The following CCT4 variants were observed in gnomAD, a reference collection of about 807,000 sequenced individuals.
CCT4 encodes T-complex protein 1 subunit delta.
CCT4 carries 17 observed loss-of-function variants against 62.5 expected under a neutral mutation model. That is an observed-to-expected ratio of 0.27 (90% CI 0.19 to 0.41). The LOEUF (loss-of-function observed/expected upper bound fraction) is 0.41, where lower values mean the gene tolerates loss of function less well. Ranked by LOEUF, CCT4 falls within the 10% of genes least tolerant of loss-of-function variation. The pLI is 1.00. For synonymous variants in CCT4, 250 were observed against 229.9 expected (o/e 1.09, Z -0.79); for missense variants, 592 against 659.2 (o/e 0.90, Z 1.12).
chr2:61,878,384 T>C (rs1442665480), intron 5 of CCT4, among the ~76,000 whole-genome samples: 3 of 152,208 alleles, frequency 2.0e-5, no homozygotes, highest in Admixed American at 1.3e-4. Flanking sequence ...ATCTCAGCTG[T>C]TTCTGTTAGC....
chr2:61,876,354 T>C, intron 7 of CCT4, 120 bp from the exon 8 acceptor site: 2 of 664,674 alleles, frequency 3.0e-6, no homozygotes, highest in Non-Finnish European at 4.9e-6. Context: ...AAGTAATAAA[T>C]TATATAGACA....
At chr2:61,880,451 C>T (rs1190051331) in intron 3 of CCT4, 57 bp from the exon 4 acceptor site, 1 of 888,312 alleles carries the variant, frequency 1.1e-6, no homozygotes, top group African/African-American at 1.7e-5. Context: ...CCCAGTAACA[C>T]CTAATTCAAA....
intron 4 of CCT4, among the ~76,000 whole-genome samples, chr2:61,879,749 T>C (rs1669073956): frequency 9.5e-6 from 1 of 105,280 alleles, no homozygotes; most frequent in South Asian, 2.9e-4. Context: ...ACTCATTTCT[T>C]TTTTTTTTTT....
At chr2:61,880,713 C>CT (rs34573664) in intron 3 of CCT4, among the ~76,000 whole-genome samples, 11 of 149,324 alleles carry the variant, frequency 7.4e-5, no homozygotes, top group South Asian at 2.1e-4. Flanking sequence ...GAGTATCAAA[C>CT]TTTTTTTTTT....
rs749103756 is a variant in CCT4, at chr2:61,879,044, T to C, written c.380-33A>G. On this transcript the variant is annotated intron_variant, in intron 4 of 13. Coordinates refer to ENST00000394440, the MANE Select transcript of CCT4 (RefSeq NM_006430.4). ...TTGTGAAAGTCTAGTTATTTAATTG[T>C]AACAGGTAAACTACACATTTGACAT... 1.1e-5 allele frequency: 17 copies of C among 1,532,888 alleles called. No individual in the cohort carries two copies. The South Asian group carries it at 2.1e-4, about 19-fold the overall frequency. 95.0% of individuals were successfully genotyped at this position (1,532,888 alleles called of 1,614,324 possible).
At chr2:61,873,587 G>A (rs889559263) in intron 8 of CCT4, among the ~76,000 whole-genome samples, 2 of 151,914 alleles carry the variant, frequency 1.3e-5, no homozygotes, top group African/African-American at 4.8e-5. Context: ...TTTTTGAGAT[G>A]GAATTTCGCT....
chr2:61,869,668 G>A, intron 12 of CCT4, 115 bp from the exon 13 acceptor site: 1 of 663,200 alleles, frequency 1.5e-6, no homozygotes, highest in East Asian at 2.6e-5. Flanking sequence ...TGTCTAAGAA[G>A]ATTAGAATAT....
chr2:61,870,678 G>A (rs930599804), intron 12 of CCT4, among the ~76,000 whole-genome samples: 1 of 152,172 alleles, frequency 6.6e-6, no homozygotes, highest in Non-Finnish European at 1.5e-5. Context: ...TAGCACTTTG[G>A]AAGGCTGAGG....
chr2:61,883,773 GACACACACACACACACAC>G (rs59031193), intron 2 of CCT4, among the ~76,000 whole-genome samples: 2,194 of 143,932 alleles, frequency 0.015, 48 homozygotes, highest in African/African-American at 0.052. Context: ...AAGAAATGTA[GACACACACACACACACAC>G]ACACACACAC....
Position 61,877,522 on chromosome 2 carries a change from T to G in CCT4, c.523-8A>C. 1 of 1,517,690 alleles carries G rather than the reference T, an allele frequency of 6.6e-7. No individual in the cohort carries two copies. Among genetic ancestry groups the G allele is most frequent in the Non-Finnish European group, 8.7e-7 (1 of 1,145,192 alleles). The allele number at this position is 1,517,690 out of a possible 1,614,324, so 94.0% of individuals were successfully genotyped here. A position where few individuals can be genotyped will look rare whatever the true frequency, so the allele number is the denominator to read the frequency against. On this transcript the variant is annotated splice_polypyrimidine_tract_variant and splice_region_variant and intron_variant, in intron 5 of 13. Transcript: ENST00000394440. ...TGAATACTGAGAAACCACCTAGAAT[T>G]ATTAAAAAAAAAAAAAAGTTACCTT...
intron 13 of CCT4, 91 bp from the exon 14 acceptor site, chr2:61,868,797 G>C: frequency 1.1e-6 from 1 of 935,686 alleles, no homozygotes. Context: ...AGGAAAACCT[G>C]TATTAAGAAC....
intron 6 of CCT4, 116 bp downstream of exon 6, chr2:61,877,277 A>G (rs1346364370): frequency 1.7e-6 from 2 of 1,163,728 alleles, no homozygotes; most frequent in Non-Finnish European, 2.4e-6. Context: ...TCACGAAAAC[A>G]AAACCAAAAA....
At chr2:61,883,035 T>C (rs1669152241) in intron 3 of CCT4, among the ~76,000 whole-genome samples, 1 of 152,186 alleles carries the variant, frequency 6.6e-6, no homozygotes, top group South Asian at 2.1e-4. Context: ...ATCCTAAAAA[T>C]ATGCCTGTTC....
intron 8 of CCT4, 139 bp from the exon 9 acceptor site, chr2:61,873,432 G>A (rs1003302895): frequency 1.4e-5 from 8 of 578,774 alleles, no homozygotes; most frequent in Admixed American, 3.1e-5. Flanking sequence ...TACTAAGTTC[G>A]TAAGGTCAAA....
At chr2:61,879,276 T>C (rs868711106) in intron 4 of CCT4, among the ~76,000 whole-genome samples, 18 of 147,150 alleles carry the variant, frequency 1.2e-4, no homozygotes, top group African/African-American at 4.3e-4. Context: ...TTTTTTTTTT[T>C]TCTGAGACAG....
intron 8 of CCT4, among the ~76,000 whole-genome samples, chr2:61,875,155 A>G (rs893986666): frequency 8.6e-5 from 13 of 151,842 alleles, no homozygotes; most frequent in African/African-American, 3.2e-4. Context: ...AAAAAAAGGA[A>G]GATTACGCAC....
intron 1 of CCT4, among the ~76,000 whole-genome samples, chr2:61,886,528 C>T (rs1032610558): frequency 2.0e-5 from 3 of 152,140 alleles, no homozygotes; most frequent in South Asian, 2.1e-4. Flanking sequence ...CGGTGGCTCA[C>T]GCCTGTAATC....
rs1669322864 is a variant in CCT4 at position 61,888,639 on chromosome 2, G to C, written c.-132C>G. 9.3e-7 allele frequency: 1 copy of C among 1,073,900 alleles called. No homozygotes were observed. Among genetic ancestry groups the C allele is most frequent in the South Asian group, 1.7e-5 (1 of 59,862 alleles). 66.5% of individuals were successfully genotyped at this position (1,073,900 alleles called of 1,614,324 possible). On this transcript the variant is annotated 5_prime_UTR_variant, in exon 1 of 14. Coordinates refer to ENST00000394440, the MANE Select transcript of CCT4 (RefSeq NM_006430.4). ...CAGAAAGCGGCGCCGGCGTCGGGAG[G>C]AGGCGGAGGCGGAGAAGGGGGCCTT...
chr2:61,871,840 T>C (rs1371261022), intron 12 of CCT4, among the ~76,000 whole-genome samples: 1 of 152,234 alleles, frequency 6.6e-6, no homozygotes, highest in Non-Finnish European at 1.5e-5. Flanking sequence ...AGGAACAGAC[T>C]AAGTAACTTG....
Sources: gnomAD v4.1 joint callset for allele counts (sites outside exome capture counted in the v4.1 genomes callset) on GRCh38, gnomAD v4.1.1 for gene constraint, MANE v1.5 for transcripts, NCBI Gene and HGNC (gene_info 2026-07-23, HGNC 2026-07-21) for gene names.